Variants in KIF4A observed in about 807,000 individuals in gnomAD.
KIF4A encodes kinesin family member 4A.
A neutral mutation model predicts 105.9 loss-of-function variants in KIF4A; 7 were observed. The observed-to-expected ratio is 0.07, with a 90% CI of 0.04 to 0.12. The LOEUF is 0.12. Among genes scored for constraint, KIF4A ranks in the 10% least tolerant of loss-of-function variants. The pLI is 1.00. For missense variants in KIF4A, 558 were observed against 929.2 expected (o/e 0.60, Z 5.19); for synonymous variants, 281 against 331.3 (o/e 0.85, Z 1.65).
At chrX:70,367,651 T>C (rs1463131677) in intron 15 of KIF4A, among the ~76,000 whole-genome samples, 2 of 112,111 alleles carry the variant, frequency 1.8e-5, no homozygotes, top group East Asian at 2.8e-4. Context: ...CCTTTGTGGG[T>C]AACCCGACCT....
chrX:70,361,876 A>C (rs1379988886), intron 15 of KIF4A, among the ~76,000 whole-genome samples: 1 of 111,910 alleles, frequency 8.9e-6, no homozygotes, highest in Non-Finnish European at 1.9e-5. Flanking sequence ...AGCTTTACCC[A>C]ATTCTGGCTC....
At chrX:70,329,655 A>G (rs1039453734) in intron 8 of KIF4A, 134 bp downstream of exon 8, 8 of 478,144 alleles carry the variant, frequency 1.7e-5, no homozygotes, top group African/African-American at 1.7e-4. Context: ...AATACGAGAG[A>G]GTGCTGTTGG....
chrX:70,327,367 A>G (rs2085914937), intron 7 of KIF4A, among the ~76,000 whole-genome samples: 1 of 110,999 alleles, frequency 9.0e-6, no homozygotes, highest in South Asian at 3.8e-4. Flanking sequence ...TCTAAGAGAG[A>G]GGGAGAAGCT....
chrX:70,382,553 T>C (rs1400282206), intron 18 of KIF4A, among the ~76,000 whole-genome samples: 1 of 112,524 alleles, frequency 8.9e-6, no homozygotes, highest in African/African-American at 3.2e-5. Context: ...GACTTTGGAT[T>C]AGACAATGAT....
At chrX:70,351,822 A>G (rs2086031925) in intron 13 of KIF4A, among the ~76,000 whole-genome samples, 1 of 111,964 alleles carries the variant, frequency 8.9e-6, no homozygotes, top group Non-Finnish European at 1.9e-5. Context: ...CAGTGGCACA[A>G]TCTTGGCTCA....
At chrX:70,346,488 C>T (rs2085993320) in intron 13 of KIF4A, among the ~76,000 whole-genome samples, 1 of 111,569 alleles carries the variant, frequency 9.0e-6, no homozygotes, top group Non-Finnish European at 1.9e-5. Flanking sequence ...GAAGGAAACC[C>T]GTGGAACCAA....
At chrX:70,327,556 T>C (rs2085915381) in intron 7 of KIF4A, among the ~76,000 whole-genome samples, 1 of 111,709 alleles carries the variant, frequency 9.0e-6, no homozygotes, top group Admixed American at 9.5e-5. Flanking sequence ...TGGATAACTT[T>C]CATCTCTATA....
chrX:70,387,476 T>C (rs970675775), intron 20 of KIF4A, among the ~76,000 whole-genome samples, 179 bp downstream of exon 20: 25 of 111,776 alleles, frequency 2.2e-4, no homozygotes, highest in African/African-American at 7.5e-4. Flanking sequence ...ACCAGGAGTA[T>C]AGAACTCTTT....
At chrX:70,314,772 A>G in intron 7 of KIF4A, among the ~76,000 whole-genome samples, 1 of 111,242 alleles carries the variant, frequency 9.0e-6, no homozygotes, top group Middle Eastern at 4.7e-3. Context: ...CAATAAGAGA[A>G]GCTGAAGAGA....
chrX:70,355,058 A>G (rs1290678151), intron 15 of KIF4A, among the ~76,000 whole-genome samples: 2 of 111,599 alleles, frequency 1.8e-5, no homozygotes, highest in Admixed American at 9.5e-5. Context: ...TTCCCAAGGC[A>G]TAAACAGTCA....
chrX:70,303,015 A>G (rs1428978837), intron 7 of KIF4A, among the ~76,000 whole-genome samples: 2 of 112,099 alleles, frequency 1.8e-5, no homozygotes, highest in Non-Finnish European at 3.8e-5. Flanking sequence ...CAGATACACC[A>G]TATCTACTGT....
intron 15 of KIF4A, among the ~76,000 whole-genome samples, chrX:70,372,235 C>T (rs1602782478): frequency 9.0e-6 from 1 of 111,570 alleles, no homozygotes; most frequent in Non-Finnish European, 1.9e-5. Context: ...ACTTCCCAGA[C>T]GGGGTGGCGG....
At chrX:70,334,579 TC>T (rs1255829564) in intron 10 of KIF4A, among the ~76,000 whole-genome samples, 1 of 112,565 alleles carries the variant, frequency 8.9e-6, no homozygotes, top group Non-Finnish European at 1.9e-5. Flanking sequence ...GGAAACACTT[TC>T]TATGAAATAG....
rs754695628 is a variant in KIF4A, at chrX:70,302,285, C to G, written c.684-19C>G. ...AGCTTGTGTACCATTCTCACTGTGT[C>G]TTCCTTTCATTATCACAGGAATAGC... On this transcript the variant is annotated intron_variant, in intron 6 of 30. Coordinates refer to ENST00000374403, the MANE Select transcript of KIF4A (RefSeq NM_012310.5). The G allele has an allele frequency of 3.2e-5, 38 of 1,203,173 alleles. No homozygotes were observed. The highest frequency in any genetic ancestry group is 1.5e-4 in the Admixed American group (7 of 45,558).
intron 10 of KIF4A, among the ~76,000 whole-genome samples, chrX:70,339,367 T>C (rs1458516686): frequency 9.0e-6 from 1 of 111,616 alleles, no homozygotes; most frequent in African/African-American, 3.3e-5. Context: ...TTTTCCCCCT[T>C]TAGATAATTT....
intron 9 of KIF4A, among the ~76,000 whole-genome samples, chrX:70,331,754 T>C (rs1225591436): frequency 8.9e-6 from 1 of 112,163 alleles, no homozygotes; most frequent in African/African-American, 3.2e-5. Context: ...CCAGGACTCA[T>C]GGACAATATT....
At chrX:70,406,707 ACT>A (rs779843331) in intron 27 of KIF4A, among the ~76,000 whole-genome samples, 184 bp from the exon 28 acceptor site, 1 of 111,322 alleles carries the variant, frequency 9.0e-6, no homozygotes, top group Non-Finnish European at 1.9e-5. Flanking sequence ...GCCTTCAAAG[ACT>A]CTGCAAAGCC....
Position 70,352,640 on chromosome X carries a change from C to T in KIF4A, c.1472C>T (p.Ala491Val), listed in dbSNP as rs2297871. Residue 491 changes from alanine to valine, a missense_variant, in exon 14 of 31, where the codon GCG becomes GTG. Coordinates refer to ENST00000374403, the MANE Select transcript of KIF4A (RefSeq NM_012310.5). ...TGCATGGCTGCAGCCATTGATACTG[C>T]GGTGGAGCAAGAAGCCGTAAGTAAT... ...VACMAAAIDTAVEQEAQVETS... is the reference protein window; with the variant it reads ...VACMAAAIDTVVEQEAQVETS... The T allele has an allele frequency of 5.0e-3, 5,950 of 1,192,921 alleles. 143 individuals are homozygous for T. The East Asian group carries it at 0.1, about 20-fold the overall frequency.
intron 22 of KIF4A, among the ~76,000 whole-genome samples, chrX:70,401,396 G>A (rs1035510828): frequency 1.9e-5 from 2 of 103,003 alleles, no homozygotes; most frequent in African/African-American, 7.1e-5. Context: ...TGATTTTTAA[G>A]TGAATTAATT....
Sources: gnomAD v4.1 joint callset for allele counts (sites outside exome capture counted in the v4.1 genomes callset) on GRCh38, gnomAD v4.1.1 for gene constraint, MANE v1.5 for transcripts, NCBI Gene and HGNC (gene_info 2026-07-23, HGNC 2026-07-21) for gene names.